The following DZANK1 variants were observed in gnomAD, a reference collection of about 807,000 sequenced individuals.
DZANK1 encodes double zinc ribbon and ankyrin repeat domains 1, also known as double zinc ribbon and ankyrin repeat-containing protein 1.
DZANK1 carries 91 observed loss-of-function variants against 94.5 expected under a neutral mutation model. That is an observed-to-expected ratio of 0.96 (90% CI 0.81 to 1.15). The LOEUF is 1.15. DZANK1 is among the 50% of genes most tolerant of loss of function. DZANK1 has a pLI of 0.00. For missense variants in DZANK1, 903 were observed against 916.4 expected (o/e 0.99, Z 0.19); for synonymous variants, 312 against 325.3 (o/e 0.96, Z 0.44).
At chr20:18,397,993 T>G (rs2056446500) in intron 14 of DZANK1, among the ~76,000 whole-genome samples, 1 of 152,118 alleles carries the variant, frequency 6.6e-6, no homozygotes, top group South Asian at 2.1e-4. Flanking sequence ...CCGCCCAGAT[T>G]CAAGGTGAGG....
At chr20:18,454,510 T>C in intron 4 of DZANK1, 1 of 162,224 alleles carries the variant, frequency 6.2e-6, no homozygotes, top group Non-Finnish European at 1.4e-5. Context: ...GCCCATCCTC[T>C]GGCCTAACTC....
intron 6 of DZANK1, among the ~76,000 whole-genome samples, chr20:18,449,796 C>T (rs6111967): frequency 0.06 from 8,842 of 148,258 alleles, 899 homozygotes; most frequent in African/African-American, 0.21. Context: ...TAAATAAACT[C>T]GGCTGGGCAC....
intron 12 of DZANK1, 82 bp downstream of exon 12, chr20:18,414,266 G>A (rs1600854982): frequency 1.3e-6 from 2 of 1,505,038 alleles, no homozygotes; most frequent in Non-Finnish European, 1.8e-6. Context: ...TCTTCCCCGG[G>A]TTGATTCACA....
intron 7 of DZANK1, among the ~76,000 whole-genome samples, chr20:18,447,326 A>T (rs1481063499): frequency 6.6e-6 from 1 of 151,994 alleles, no homozygotes; most frequent in African/African-American, 2.4e-5. Context: ...AAAAAATACA[A>T]AAATTAGCCG....
At chr20:18,386,161 G>C (rs989097770) in intron 19 of DZANK1, among the ~76,000 whole-genome samples, 1 of 152,220 alleles carries the variant, frequency 6.6e-6, no homozygotes, top group African/African-American at 2.4e-5. Flanking sequence ...AGAAAAAGGA[G>C]AGTGGCTTCC....
chr20:18,389,669 C>T, intron 19 of DZANK1, 32 bp downstream of exon 19: 1 of 1,612,206 alleles, frequency 6.2e-7, no homozygotes, highest in Non-Finnish European at 8.5e-7. Context: ...CCTGCTGCTA[C>T]CTTAGCTCTC....
intron 10 of DZANK1, chr20:18,421,049 C>A: frequency 5.9e-6 from 1 of 170,492 alleles, no homozygotes. Context: ...TCAAGCGTTT[C>A]AGTTTTATAA....
intron 19 of DZANK1, among the ~76,000 whole-genome samples, chr20:18,387,952 T>C (rs987050980): frequency 2.0e-5 from 3 of 152,202 alleles, no homozygotes; most frequent in South Asian, 2.1e-4. Flanking sequence ...GGATGACTTA[T>C]GCCTAAAAGC....
At chr20:18,446,027 A>G (rs2058865830) in intron 7 of DZANK1, among the ~76,000 whole-genome samples, 1 of 150,530 alleles carries the variant, frequency 6.6e-6, no homozygotes, top group Non-Finnish European at 1.5e-5. Context: ...AGCTTCCCAA[A>G]GTGCTGGCAT....
At chr20:18,398,940 T>G (rs1331574482) in intron 13 of DZANK1, among the ~76,000 whole-genome samples, 1 of 152,174 alleles carries the variant, frequency 6.6e-6, no homozygotes, top group Admixed American at 6.5e-5. Context: ...GAGACCAGCC[T>G]GGCCAACATG....
intron 19 of DZANK1, among the ~76,000 whole-genome samples, chr20:18,387,311 C>T (rs1414298175): frequency 6.6e-6 from 1 of 152,188 alleles, no homozygotes; most frequent in Non-Finnish European, 1.5e-5. Context: ...TATGTATCCA[C>T]AGTTCAGTTT....
rs1174278508 is a variant in DZANK1 at position 18,389,585 on chromosome 20, T to C, written c.2018+116A>G. ...TTATTAAAGCTGAAATAGGTTAAAA[T>C]GGTTAAAGTGGCTGAAACTGAACAG... On this transcript the variant is annotated intron_variant, in intron 19 of 20. Transcript: ENST00000262547. 4 of 1,415,820 alleles carry C rather than the reference T, an allele frequency of 2.8e-6. No homozygotes were observed. The African/African-American group carries it at 4.3e-5, about 15-fold the overall frequency. The allele number at this position is 1,415,820 out of a possible 1,614,324, so 87.7% of individuals were successfully genotyped here.
At chr20:18,404,297 T>A (rs2056843829) in intron 13 of DZANK1, among the ~76,000 whole-genome samples, 1 of 152,030 alleles carries the variant, frequency 6.6e-6, no homozygotes, top group South Asian at 2.1e-4. Flanking sequence ...CAGGTCATGG[T>A]TGAAAACAAT....
intron 10 of DZANK1, chr20:18,421,268 C>G (rs964212249): frequency 5.7e-6 from 1 of 174,644 alleles, no homozygotes; most frequent in African/African-American, 2.4e-5. Flanking sequence ...CTACATCCCC[C>G]CCGTAAAACT....
At chr20:18,385,018 C>T (rs1041289882) in exon 20 of DZANK1, 2 of 1,552,630 alleles carry the variant, frequency 1.3e-6, no homozygotes, top group African/African-American at 2.7e-5. Flanking sequence ...GGACATACCC[C>T]AGTAAAGTGG....
chr20:18,398,747 C>A, intron 13 of DZANK1, 121 bp from the exon 14 acceptor site: 2 of 944,740 alleles, frequency 2.1e-6, no homozygotes, highest in Non-Finnish European at 1.6e-6. Flanking sequence ...TTGTGATGGA[C>A]TTTCCTTAGT....
chr20:18,411,511 A>C (rs2057255333), intron 13 of DZANK1, among the ~76,000 whole-genome samples: 1 of 152,212 alleles, frequency 6.6e-6, no homozygotes, highest in Admixed American at 6.5e-5. Flanking sequence ...CAAACATCAG[A>C]TCCAGATAGC....
intron 5 of DZANK1, 75 bp downstream of exon 5, chr20:18,453,656 A>C (rs1004484997): frequency 4.9e-6 from 5 of 1,017,128 alleles, no homozygotes; most frequent in Admixed American, 4.0e-5. Context: ...ACAAGAAAAC[A>C]TGCAACGAAC....
intron 8 of DZANK1, among the ~76,000 whole-genome samples, chr20:18,436,234 T>C (rs1477597649): frequency 6.6e-6 from 1 of 152,058 alleles, no homozygotes; most frequent in East Asian, 1.9e-4. Flanking sequence ...AGACAGAAAT[T>C]ATTTTTTTAA....
Sources: allele counts gnomAD v4.1 joint callset (sites outside exome capture counted in the v4.1 genomes callset), GRCh38; gene constraint gnomAD v4.1.1; transcripts MANE v1.5; gene names NCBI Gene and HGNC (gene_info 2026-07-23, HGNC 2026-07-21).